Variants in TAFA5 observed in about 807,000 individuals in gnomAD.
TAFA5 encodes chemokine-like protein TAFA-5.
In TAFA5, 6 loss-of-function variants were observed where a neutral mutation model predicts 15.3. That is an observed-to-expected ratio of 0.39 (90% CI 0.21 to 0.77). The LOEUF (loss-of-function observed/expected upper bound fraction) is 0.77, where lower values mean the gene tolerates loss of function less well. TAFA5 is among the 30% of genes least tolerant of loss of function. TAFA5 has a pLI of 0.41. For missense variants in TAFA5, 161 were observed against 193.1 expected, an observed-to-expected ratio of 0.83 and a Z score of 0.98; for synonymous variants, 103 against 80.7, an observed-to-expected ratio of 1.28 and a Z score of -1.48.
intron 1 of TAFA5, among the ~76,000 whole-genome samples, chr22:48,491,430 A>G (rs879547870): frequency 4.0e-5 from 6 of 151,680 alleles, no homozygotes; most frequent in Non-Finnish European, 7.4e-5. Context: ...GTGTTTGGGG[A>G]GGGGCTGTAG....
chr22:48,646,444 G>A (rs1926865266), intron 1 of TAFA5, 153 bp from the exon 2 acceptor site: 19 of 963,158 alleles, frequency 2.0e-5, no homozygotes, highest in South Asian at 1.6e-4. Context: ...GGCAGCCTTC[G>A]AGGTGCTTTC....
intron 3 of TAFA5, among the ~76,000 whole-genome samples, chr22:48,725,416 G>T (rs569338062): frequency 6.6e-6 from 1 of 152,260 alleles, no homozygotes; most frequent in Non-Finnish European, 1.5e-5. Context: ...TAGGGCAGAG[G>T]TAGCTCTGAA....
intron 1 of TAFA5, among the ~76,000 whole-genome samples, chr22:48,632,752 G>A (rs193200608): frequency 0.037 from 5,616 of 151,462 alleles, 165 homozygotes; most frequent in East Asian, 0.082. Flanking sequence ...CCCTCCTGAC[G>A]GGGAGCAGCA....
At chr22:48,620,629 C>CCCATCCTATCCACCCCCCCACCATCCA (rs1925770986) in intron 1 of TAFA5, among the ~76,000 whole-genome samples, 3 of 55,602 alleles carry the variant, frequency 5.4e-5, no homozygotes, top group African/African-American at 1.6e-4. Context: ...CCCACCATCC[C>CCCATCCTATCCACCCCCCCACCATCCA]CCATCCTATC....
At chr22:48,555,639 C>T (rs133461) in intron 1 of TAFA5, among the ~76,000 whole-genome samples, 116,343 of 152,140 alleles carry the variant, frequency 0.76, 44,766 homozygotes, top group Middle Eastern at 0.82. Context: ...GCACCCCCCA[C>T]GCCACGGGCA....
intron 1 of TAFA5, among the ~76,000 whole-genome samples, chr22:48,514,022 G>A (rs1460968268): frequency 6.6e-6 from 1 of 152,036 alleles, no homozygotes; most frequent in Non-Finnish European, 1.5e-5. Context: ...GCCTCTGCAG[G>A]TCTCTCGGGG....
At chr22:48,576,714 G>A in intron 1 of TAFA5, 1 of 1,043,772 alleles carries the variant, frequency 9.6e-7, no homozygotes, top group East Asian at 4.1e-5. Context: ...GCCCGGAGCG[G>A]CCGGCGGCGC....
intron 1 of TAFA5, among the ~76,000 whole-genome samples, chr22:48,578,942 G>C (rs762920173): frequency 9.9e-5 from 15 of 152,252 alleles, no homozygotes; most frequent in Non-Finnish European, 1.5e-4. Context: ...TCCAGCAGGA[G>C]GGAGGGAACA....
intron 2 of TAFA5, among the ~76,000 whole-genome samples, chr22:48,655,745 T>G (rs5771682): frequency 0.65 from 98,561 of 151,428 alleles, 32,779 homozygotes; most frequent in South Asian, 0.77. Context: ...CCCTGAGCGC[T>G]CTGAGCTGTG....
At position 48,664,997 on chromosome 22, in the gene TAFA5, C is replaced by T. The variant is rs370248700; in HGVS notation, c.262+18251C>T. Among the ~76,000 whole-genome samples, 100 of 152,282 alleles carry T rather than the reference C, an allele frequency of 6.6e-4. 1 individual carries two copies. In the South Asian group the frequency reaches 0.019, roughly 28 times the overall value. ...TGTGACCTAGCCACGGTAGGCCCTG[C>T]AGAGTGTTTCTCAAAGCGATTGTAT... On this transcript the variant is annotated intron_variant, in intron 2 of 3. Transcript: ENST00000402357.
intron 1 of TAFA5, among the ~76,000 whole-genome samples, chr22:48,621,705 A>G (rs1601621996): frequency 6.6e-6 from 1 of 152,222 alleles, no homozygotes; most frequent in East Asian, 1.9e-4. Flanking sequence ...GCACTTTATG[A>G]AGGGAGCAAG....
chr22:48,677,667 G>A (rs1486117393), intron 2 of TAFA5, among the ~76,000 whole-genome samples: 1 of 152,164 alleles, frequency 6.6e-6, no homozygotes, highest in Non-Finnish European at 1.5e-5. Flanking sequence ...GAGCGCCAAG[G>A]CCCAGAGGAA....
At chr22:48,542,377 GGTGT>G (rs796950044) in intron 1 of TAFA5, among the ~76,000 whole-genome samples, 3 of 130,000 alleles carry the variant, frequency 2.3e-5, no homozygotes, top group Non-Finnish European at 3.2e-5. Flanking sequence ...GCGGGTGTGT[GGTGT>G]GTGTGTGTGG....
chr22:48,508,280 C>A (rs1163013557), intron 1 of TAFA5, among the ~76,000 whole-genome samples: 1 of 152,160 alleles, frequency 6.6e-6, no homozygotes, highest in Non-Finnish European at 1.5e-5. Flanking sequence ...GGTGCTGACC[C>A]AGGGTAGGCT....
chr22:48,597,453 C>G (rs1009798552), intron 1 of TAFA5, among the ~76,000 whole-genome samples: 2 of 150,554 alleles, frequency 1.3e-5, no homozygotes, highest in African/African-American at 4.9e-5. Flanking sequence ...GAGCCACCTG[C>G]CACCCTCTTC....
intron 1 of TAFA5, among the ~76,000 whole-genome samples, chr22:48,638,645 C>A (rs568228090): frequency 3.0e-5 from 4 of 131,848 alleles, no homozygotes; most frequent in Non-Finnish European, 6.4e-5. Context: ...CAACCCCCCC[C>A]ACACACTAAG....
chr22:48,517,604 TC>T (rs1326420158), intron 1 of TAFA5, among the ~76,000 whole-genome samples: 10 of 152,162 alleles, frequency 6.6e-5, no homozygotes, highest in Non-Finnish European at 1.2e-4. Context: ...CGTACGGGCA[TC>T]CGGGTTCTGA....
chr22:48,721,295 C>CCCGCCCACTGCCTTCATG (rs1267633591), intron 3 of TAFA5, among the ~76,000 whole-genome samples: 1 of 152,228 alleles, frequency 6.6e-6, no homozygotes, highest in Non-Finnish European at 1.5e-5. Context: ...ACCATTTCAG[C>CCCGCCCACTGCCTTCATG]CCGCCCACTG....
chr22:48,659,484 C>T (rs1427330205), intron 2 of TAFA5, among the ~76,000 whole-genome samples: 2 of 152,380 alleles, frequency 1.3e-5, no homozygotes, highest in East Asian at 1.9e-4. Context: ...CAGAGGGACT[C>T]AGGCACCACC....
Sources: gnomAD v4.1 joint callset for allele counts (sites outside exome capture counted in the v4.1 genomes callset) on GRCh38, gnomAD v4.1.1 for gene constraint, MANE v1.5 for transcripts, NCBI Gene and HGNC (gene_info 2026-07-23, HGNC 2026-07-21) for gene names.